The following P3H2 variants were observed in gnomAD, a reference collection of about 807,000 sequenced individuals.
The protein encoded by P3H2 is leprecan-like 1.
P3H2 carries 80 observed loss-of-function variants against 87.0 expected under a neutral mutation model. That is an observed-to-expected ratio of 0.92 (90% CI 0.77 to 1.11). The LOEUF is 1.11. Among genes scored for constraint, P3H2 ranks in the 50% least tolerant of loss-of-function variants. The pLI is 0.00. For missense variants in P3H2, 1,001 were observed against 923.9 expected, an observed-to-expected ratio of 1.08 and a Z score of -1.08; for synonymous variants, 367 against 359.3, an observed-to-expected ratio of 1.02 and a Z score of -0.24.
chr3:190,040,629 A>T (rs1291843555), intron 1 of P3H2, among the ~76,000 whole-genome samples: 1 of 152,154 alleles, frequency 6.6e-6, no homozygotes, highest in African/African-American at 2.4e-5. Context: ...TATTGCCTTA[A>T]GTCATTTACA....
chr3:190,005,796 GAGGAAT>G, intron 1 of P3H2, among the ~76,000 whole-genome samples: 1 of 152,190 alleles, frequency 6.6e-6, no homozygotes, highest in East Asian at 1.9e-4. Flanking sequence ...ACCCCTCCTG[GAGGAAT>G]CTTTAAGAGG....
Position 190,040,293 on chromosome 3 carries a change from T to C in P3H2, c.481-44851A>G, listed in dbSNP as rs114157425. The stretch of plus-strand genomic sequence containing the variant: ...CCACCAGATATTTAAACAGTTTTTA[T>C]TGGGTCTATAAACCATTGTGGTACT... On this transcript the variant is annotated intron_variant, in intron 1 of 14. Transcript: ENST00000319332. Among the ~76,000 whole-genome samples the C allele has an allele frequency of 1.7e-3, 266 of 152,346 alleles. 1 individual carries two copies. Among genetic ancestry groups the C allele is most frequent in the African/African-American group, 6.2e-3 (259 of 41,584 alleles).
chr3:190,085,259 G>A (rs1261709538), intron 1 of P3H2, among the ~76,000 whole-genome samples: 10 of 152,194 alleles, frequency 6.6e-5, no homozygotes. Flanking sequence ...GCAGCCATTG[G>A]TGATGTCTGC....
At chr3:190,096,047 T>C (rs2108988715) in intron 1 of P3H2, among the ~76,000 whole-genome samples, 1 of 152,294 alleles carries the variant, frequency 6.6e-6, no homozygotes, top group East Asian at 1.9e-4. Flanking sequence ...AATCATGTAG[T>C]CCTTTAACTG....
At position 190,020,839 on chromosome 3, in the gene P3H2, C is replaced by A. The variant is rs550275417; in HGVS notation, c.481-25397G>T. Among the ~76,000 whole-genome samples, 12 of 133,510 alleles carry A rather than the reference C, an allele frequency of 9.0e-5. 2 individuals carry two copies. The highest frequency in any genetic ancestry group is 2.8e-4 in the African/African-American group (11 of 38,668). 87.6% of individuals were successfully genotyped at this position (133,510 alleles called of 152,430 possible). A position where few individuals can be genotyped will look rare whatever the true frequency, so the allele number is the denominator to read the frequency against. ...TTTTCCAAGGAGAGGTGGCATCTGT[C>A]AAAAATGTCAAACAAAAGAAAGCAA... On this transcript the variant is annotated intron_variant, in intron 1 of 14. Coordinates refer to ENST00000319332, the MANE Select transcript of P3H2 (RefSeq NM_018192.4).
intron 3 of P3H2, among the ~76,000 whole-genome samples, chr3:189,992,385 C>G (rs556562585): frequency 1.3e-5 from 2 of 152,192 alleles, no homozygotes; most frequent in South Asian, 2.1e-4. Context: ...CATGAGCCAC[C>G]GCGCCCGGAT....
At chr3:190,082,081 C>G (rs1278744219) in intron 1 of P3H2, among the ~76,000 whole-genome samples, 1 of 152,092 alleles carries the variant, frequency 6.6e-6, no homozygotes, top group Non-Finnish European at 1.5e-5. Context: ...CAGGGTGAAA[C>G]TGCATCTCTA....
At chr3:190,044,616 C>T (rs978365862) in intron 1 of P3H2, among the ~76,000 whole-genome samples, 7 of 152,174 alleles carry the variant, frequency 4.6e-5, no homozygotes, top group Non-Finnish European at 1.0e-4. Context: ...ACACTAACAA[C>T]TTCCAAAAAT....
intron 6 of P3H2, among the ~76,000 whole-genome samples, chr3:189,985,987 G>T (rs1042269727): frequency 6.6e-6 from 1 of 152,084 alleles, no homozygotes; most frequent in Non-Finnish European, 1.5e-5. Context: ...CATAGTATAT[G>T]TTTCTGCAAA....
intron 14 of P3H2, among the ~76,000 whole-genome samples, chr3:189,962,471 A>T (rs1722848817): frequency 6.6e-6 from 1 of 152,212 alleles, no homozygotes; most frequent in South Asian, 2.1e-4. Flanking sequence ...CACCACGCCC[A>T]GCCAGGGCCA....
Position 189,957,937 on chromosome 3 carries a change from T to C in P3H2, c.2102A>G (p.Asn701Ser), listed in dbSNP as rs1722690097. 5.6e-6 allele frequency: 9 copies of C among 1,611,110 alleles called. No homozygotes were observed. The highest frequency in any genetic ancestry group is 2.2e-5 in the East Asian group (1 of 44,860). ...TTATAGCTCATCTTTAGGGTTGATA[T>C]TCAGTTCATGCTTCCCTTGCTGTTC... is the stretch of plus-strand genomic sequence containing the variant. The part of the protein sequence containing the change: ...DQEQQGKHEL[N>S]INPKDEL The change falls in exon 15 of 15, where the codon AAT becomes AGT. Residue 701 changes from asparagine to serine, a missense_variant. By Grantham distance (46) the Asn-to-Ser change is conservative. Transcript: ENST00000319332.
chr3:190,098,289 T>C (rs1420786282), intron 1 of P3H2, among the ~76,000 whole-genome samples: 2 of 152,206 alleles, frequency 1.3e-5, no homozygotes, highest in Non-Finnish European at 2.9e-5. Flanking sequence ...GTATGACTTT[T>C]GCAGGGATCT....
At chr3:189,973,114 G>T in intron 10 of P3H2, 90 bp from the exon 11 acceptor site, 1 of 1,187,546 alleles carries the variant, frequency 8.4e-7, no homozygotes, top group Non-Finnish European at 1.2e-6. Context: ...GCCAATATAG[G>T]ATTGTCATGT....
intron 3 of P3H2, among the ~76,000 whole-genome samples, chr3:189,992,491 G>A (rs1415573849): frequency 2.0e-5 from 3 of 152,116 alleles, no homozygotes; most frequent in Admixed American, 6.6e-5. Context: ...GAAGTTGAAT[G>A]TTGCTTTTCA....
intron 1 of P3H2, among the ~76,000 whole-genome samples, chr3:190,064,732 A>T (rs955935601): frequency 2.0e-5 from 3 of 152,170 alleles, no homozygotes; most frequent in Non-Finnish European, 4.4e-5. Flanking sequence ...GAAAAATATA[A>T]AATTTGAGTC....
chr3:189,962,366 G>T (rs1722845531), intron 14 of P3H2, among the ~76,000 whole-genome samples: 1 of 151,554 alleles, frequency 6.6e-6, no homozygotes, highest in African/African-American at 2.4e-5. Flanking sequence ...GTAGAGATGG[G>T]GTTTCACCAT....
chr3:190,074,848 C>A (rs182863074), intron 1 of P3H2, among the ~76,000 whole-genome samples: 1 of 152,286 alleles, frequency 6.6e-6, no homozygotes, highest in Admixed American at 6.5e-5. Flanking sequence ...CCTGAAAGCA[C>A]GAGAGAAGAA....
At chr3:189,958,699 C>CTG (rs1722715654) in intron 14 of P3H2, among the ~76,000 whole-genome samples, 1 of 120,204 alleles carries the variant, frequency 8.3e-6, no homozygotes, top group Non-Finnish European at 1.7e-5. Flanking sequence ...ATTGCTCCCT[C>CTG]TTTTTTTTTT....
At chr3:189,986,934 T>G (rs1262108340) in intron 5 of P3H2, 57 bp from the exon 6 acceptor site, 1 of 1,139,866 alleles carries the variant, frequency 8.8e-7, no homozygotes, top group Non-Finnish European at 1.3e-6. Context: ...GTAAGAGATA[T>G]GATAAATGTT....
Sources: gnomAD v4.1 joint callset for allele counts (sites outside exome capture counted in the v4.1 genomes callset) on GRCh38, gnomAD v4.1.1 for gene constraint, MANE v1.5 for transcripts, NCBI Gene and HGNC (gene_info 2026-07-23, HGNC 2026-07-21) for gene names.